UBR3: variants seen among roughly 807,000 people sequenced by gnomAD.
UBR3 encodes ubiquitin protein ligase E3 component n-recognin 3, also known as E3 ubiquitin-protein ligase UBR3.
A neutral mutation model predicts 243.2 loss-of-function variants in UBR3; 85 were observed. That is an observed-to-expected ratio of 0.35 (90% CI 0.29 to 0.42). UBR3 has a LOEUF of 0.42. Among genes scored for constraint, UBR3 ranks in the 10% least tolerant of loss-of-function variants. The pLI is 1.00. For synonymous variants in UBR3, 748 were observed against 799.8 expected (o/e 0.94, Z 1.09); for missense variants, 1,686 against 2,300.8 (o/e 0.73, Z 5.47).
intron 30 of UBR3, among the ~76,000 whole-genome samples, chr2:170,017,546 G>GACAC (rs34813217): frequency 1.5e-3 from 185 of 125,794 alleles, no homozygotes; most frequent in East Asian, 6.2e-3. Flanking sequence ...CACACACACA[G>GACAC]ACACACACAC....
At chr2:169,909,550 T>C (rs1300676217) in intron 10 of UBR3, among the ~76,000 whole-genome samples, 1 of 152,090 alleles carries the variant, frequency 6.6e-6, no homozygotes, top group Non-Finnish European at 1.5e-5. Flanking sequence ...AAGTTTTAGC[T>C]AGGGAGGAGG....
At chr2:169,905,666 T>C (rs1365560844) in intron 9 of UBR3, among the ~76,000 whole-genome samples, 1 of 152,194 alleles carries the variant, frequency 6.6e-6, no homozygotes, top group Non-Finnish European at 1.5e-5. Flanking sequence ...TTAGCCACTG[T>C]GCCTGGCTTT....
chr2:169,835,748 TA>T (rs1333780171), intron 1 of UBR3, among the ~76,000 whole-genome samples: 1 of 152,036 alleles, frequency 6.6e-6, no homozygotes, highest in Admixed American at 6.6e-5. Context: ...GCCTAATTTT[TA>T]AATCATTATA....
chr2:169,949,046 T>C (rs1157671590), intron 22 of UBR3, among the ~76,000 whole-genome samples: 1 of 152,006 alleles, frequency 6.6e-6, no homozygotes, highest in Non-Finnish European at 1.5e-5. Context: ...TATTAAAATA[T>C]GAAAGTTTGA....
intron 11 of UBR3, among the ~76,000 whole-genome samples, chr2:169,916,278 G>A (rs994527391): frequency 1.3e-5 from 2 of 152,078 alleles, no homozygotes; most frequent in African/African-American, 4.8e-5. Flanking sequence ...TCAACAGTGG[G>A]AAACCTGGCT....
chr2:169,938,382 T>A (rs971903916), intron 19 of UBR3, among the ~76,000 whole-genome samples: 1 of 151,882 alleles, frequency 6.6e-6, no homozygotes, highest in African/African-American at 2.4e-5. Context: ...CTGATTGGCT[T>A]CCCGAGTAGC....
chr2:169,930,116 T>C (rs552228955), intron 18 of UBR3, among the ~76,000 whole-genome samples: 41 of 152,276 alleles, frequency 2.7e-4, no homozygotes, highest in African/African-American at 5.3e-4. Context: ...AAAAGTGTGA[T>C]GTGACGATTA....
chr2:169,937,827 G>A (rs1040807696), intron 19 of UBR3, among the ~76,000 whole-genome samples: 6 of 152,280 alleles, frequency 3.9e-5, no homozygotes, highest in African/African-American at 1.2e-4. Flanking sequence ...AGGCAGGTTG[G>A]TTGAGAAGCA....
At chr2:169,962,736 G>A (rs62170353) in intron 24 of UBR3, among the ~76,000 whole-genome samples, 9,932 of 130,176 alleles carry the variant, frequency 0.076, 343 homozygotes, top group Non-Finnish European at 0.1. Flanking sequence ...TTCTGAAAGA[G>A]TTTAGGGTGT....
At chr2:169,866,502 A>G (rs1364123510) in intron 1 of UBR3, among the ~76,000 whole-genome samples, 3 of 151,866 alleles carry the variant, frequency 2.0e-5, no homozygotes, top group Non-Finnish European at 4.4e-5. Context: ...AGCTGGGATT[A>G]CAGGCATACG....
chr2:170,015,733 A>G (rs922204542), intron 30 of UBR3, among the ~76,000 whole-genome samples: 59 of 151,910 alleles, frequency 3.9e-4, no homozygotes, highest in African/African-American at 1.4e-3. Flanking sequence ...TTTCTATTAT[A>G]TTATTGCTAT....
intron 11 of UBR3, 120 bp downstream of exon 11, chr2:169,914,266 T>A: frequency 2.3e-6 from 1 of 437,266 alleles, no homozygotes; most frequent in Non-Finnish European, 3.8e-6. Flanking sequence ...GGGAAGGAAG[T>A]AATGAACATA....
At chr2:170,080,164 G>A in intron 37 of UBR3, 141 bp downstream of exon 37, 2 of 804,890 alleles carry the variant, frequency 2.5e-6, no homozygotes, top group Non-Finnish European at 3.8e-6. Context: ...TTTTAATCCA[G>A]TAGAAGAGTA....
chr2:170,032,037 C>T (rs1306632203), intron 31 of UBR3, among the ~76,000 whole-genome samples: 3 of 151,974 alleles, frequency 2.0e-5, no homozygotes, highest in Non-Finnish European at 4.4e-5. Context: ...TGGATAGATA[C>T]CCAGTAATGG....
intron 35 of UBR3, among the ~76,000 whole-genome samples, chr2:170,072,873 A>G (rs1051410734): frequency 3.3e-5 from 5 of 152,276 alleles, no homozygotes; most frequent in Admixed American, 1.3e-4. Context: ...CTTTTAAGAT[A>G]TGAATTCTTG....
At chr2:169,945,697 A>G (rs144515210) in intron 20 of UBR3, among the ~76,000 whole-genome samples, 275 of 152,290 alleles carry the variant, frequency 1.8e-3, no homozygotes, top group African/African-American at 6.3e-3. Flanking sequence ...TATCATATTG[A>G]ATGAGTGATT....
At chr2:169,895,148 C>A in intron 6 of UBR3, 33 bp from the exon 7 acceptor site, 1 of 1,477,936 alleles carries the variant, frequency 6.8e-7, no homozygotes, top group Admixed American at 2.9e-5. Context: ...CAACTTCAAT[C>A]ATTAACTGAT....
At chr2:170,054,213 C>A (rs1240699888) in intron 32 of UBR3, among the ~76,000 whole-genome samples, 1 of 151,826 alleles carries the variant, frequency 6.6e-6, no homozygotes, top group African/African-American at 2.4e-5. Flanking sequence ...CTATAGCCTT[C>A]CCTTCTGAGC....
At chr2:169,942,668 T>A (rs1362234466) in intron 20 of UBR3, 34 bp downstream of exon 20, 16 of 1,461,774 alleles carry the variant, frequency 1.1e-5, no homozygotes, top group Non-Finnish European at 1.4e-5. Context: ...AGACTAAGCT[T>A]AGAATTTATT....
Sources: allele counts gnomAD v4.1 joint callset (sites outside exome capture counted in the v4.1 genomes callset), GRCh38; gene constraint gnomAD v4.1.1; transcripts MANE v1.5; gene names NCBI Gene and HGNC (gene_info 2026-07-23, HGNC 2026-07-21).